Variants in PPFIA4 observed in about 807,000 individuals in gnomAD.
PPFIA4 encodes liprin-alpha-4.
In PPFIA4, 98 loss-of-function variants were observed where a neutral mutation model predicts 145.7. That is an observed-to-expected ratio of 0.67 (90% CI 0.57 to 0.80). PPFIA4 has a LOEUF of 0.80. Among genes scored for constraint, PPFIA4 ranks in the 30% least tolerant of loss-of-function variants. The pLI is 0.00. For missense variants in PPFIA4, 1,457 were observed against 1,632.7 expected (o/e 0.89, Z 1.85); for synonymous variants, 628 against 649.6 (o/e 0.97, Z 0.51).
At chr1:203,034,568 C>G in intron 1 of PPFIA4, 1 of 456,286 alleles carries the variant, frequency 2.2e-6, no homozygotes, top group South Asian at 1.6e-5. Flanking sequence ...GGGGGGAACT[C>G]AGGGAAGCTG....
rs999936346 is a variant in PPFIA4 at position 203,077,586 on chromosome 1, A to T, written c.*1196A>T. The T allele has an allele frequency of 1.3e-5, 2 of 152,076 alleles. No homozygotes were observed. Among genetic ancestry groups the T allele is most frequent in the Non-Finnish European group, 2.9e-5 (2 of 68,034 alleles). The allele number at this position is 152,076 out of a possible 1,614,324, so 9.4% of individuals were successfully genotyped here. A position where few individuals can be genotyped will look rare whatever the true frequency, so the allele number is the denominator to read the frequency against. The stretch of plus-strand genomic sequence containing the variant: ...CCACTCTCTTGCTTGTCCCCAAATC[A>T]CCTAACCCTCATCCAGGGCTATTTT... On this transcript the variant is annotated 3_prime_UTR_variant, in exon 30 of 30. Coordinates refer to ENST00000295706, the MANE Select transcript of PPFIA4 (RefSeq NM_001304331.2).
chr1:203,036,999 C>G (rs941772611), intron 1 of PPFIA4, among the ~76,000 whole-genome samples: 2 of 152,212 alleles, frequency 1.3e-5, no homozygotes, highest in African/African-American at 4.8e-5. Flanking sequence ...CTCTGTGTTT[C>G]TATCTTGGGG....
intron 7 of PPFIA4, 32 bp from the exon 8 acceptor site, chr1:203,045,809 G>T: frequency 2.5e-6 from 4 of 1,612,584 alleles, no homozygotes; most frequent in Non-Finnish European, 3.4e-6. Context: ...GGAAAGGCTG[G>T]TTACCGTCCT....
chr1:203,045,224 T>TGGGCCA, intron 6 of PPFIA4, 144 bp from the exon 7 acceptor site: 1 of 708,706 alleles, frequency 1.4e-6, no homozygotes. Context: ...GGGAGGCAGT[T>TGGGCCA]GTAGCCAGAG....
At position 203,077,000 on chromosome 1, in the gene PPFIA4, T is replaced by G. The variant is rs1483036542; in HGVS notation, c.*610T>G. 6.5e-6 allele frequency: 1 copy of G among 152,700 alleles called. No homozygotes were observed. The highest frequency in any genetic ancestry group is 1.5e-5 in the Non-Finnish European group (1 of 68,416). 9.5% of individuals were successfully genotyped at this position (152,700 alleles called of 1,614,324 possible). A position where few individuals can be genotyped will look rare whatever the true frequency, so the allele number is the denominator to read the frequency against. Reference sequence around the variant, plus strand: ...AAGGCCCCATTCTCCCACAGGATGGTGAGGCTGGGAGGAGGAAGACTGAGG... The same window carrying G: ...AAGGCCCCATTCTCCCACAGGATGGGGAGGCTGGGAGGAGGAAGACTGAGG... On this transcript the variant is annotated 3_prime_UTR_variant, in exon 30 of 30. Transcript: ENST00000295706.
At chr1:203,051,720 G>A (rs766589798) in intron 13 of PPFIA4, 49 bp from the exon 14 acceptor site, 3 of 1,564,208 alleles carry the variant, frequency 1.9e-6, no homozygotes, top group African/African-American at 1.4e-5. Context: ...GTGAGCTGGG[G>A]GTCTCAGTCC....
At chr1:203,050,805 C>T (rs2102648160) in intron 13 of PPFIA4, among the ~76,000 whole-genome samples, 1 of 151,908 alleles carries the variant, frequency 6.6e-6, no homozygotes, top group Non-Finnish European at 1.5e-5. Flanking sequence ...CTTCTCCCAT[C>T]CTGACCAGAA....
At chr1:203,032,236 T>A (rs1658888399) in intron 1 of PPFIA4, among the ~76,000 whole-genome samples, 1 of 152,174 alleles carries the variant, frequency 6.6e-6, no homozygotes, top group Non-Finnish European at 1.5e-5. Flanking sequence ...TAGAGCCTTT[T>A]GAGTTTGTCA....
intron 20 of PPFIA4, 128 bp downstream of exon 20, chr1:203,059,399 G>T: frequency 1.2e-6 from 1 of 825,824 alleles, no homozygotes; most frequent in Admixed American, 2.3e-5. Flanking sequence ...AACTGAGTTG[G>T]TCTGGTCCAT....
intron 1 of PPFIA4, chr1:203,037,207 G>A (rs573896233): frequency 2.7e-6 from 1 of 368,712 alleles, no homozygotes; most frequent in South Asian, 1.9e-5. Flanking sequence ...GTCCAGGTAG[G>A]AGAGGCCCGG....
At position 203,076,341 on chromosome 1, in the gene PPFIA4, C is replaced by T. The variant is rs374614205; in HGVS notation, c.3575C>T (p.Ala1192Val). The T allele has an allele frequency of 6.2e-7, 1 of 1,605,442 alleles. No homozygotes were observed. Among genetic ancestry groups the T allele is most frequent in the Middle Eastern group, 1.7e-4 (1 of 6,060 alleles). ...ATGCCTGTCTCTCTCTCTCCCTCAG[C>T]TCACTCCCACTATCTCTACGGACAC... is the stretch of plus-strand genomic sequence containing the variant. Reference protein sequence around the residue: ...PAPPKKIMPEAHSHYLYGHML... With the variant: ...PAPPKKIMPEVHSHYLYGHML... Residue 1192 changes from alanine to valine, a missense_variant and splice_region_variant, in exon 30 of 30, where the codon GCT (alanine) becomes GTT (valine). Physicochemically the swap from Ala to Val is moderately conservative, Grantham distance 64 (BLOSUM62 0). Coordinates refer to ENST00000295706, the MANE Select transcript of PPFIA4 (RefSeq NM_001304331.2).
In PPFIA4 at chr1:203,068,805, A is replaced by G. The variant is rs1336453678; in HGVS notation, c.3324+177A>G. 6.6e-6 allele frequency among the ~76,000 whole-genome samples: 1 copy of G among 152,146 alleles called. No individual in the cohort carries two copies. Among genetic ancestry groups the G allele is most frequent in the African/African-American group, 2.4e-5 (1 of 41,418 alleles). On this transcript the variant is annotated intron_variant, in intron 27 of 29. Transcript: ENST00000295706. This position sits in a 1 kb window ranked among gnomAD's most constrained non-coding sequence, Gnocchi z 4.7. The stretch of plus-strand genomic sequence containing the variant: ...TCCAAGTGATCGCTGTGCATAAGCA[A>G]GCCCTCATGGGAACACATGGCCTTC...
intron 9 of PPFIA4, among the ~76,000 whole-genome samples, chr1:203,047,920 T>G (rs1252893861): frequency 6.6e-6 from 1 of 152,210 alleles, no homozygotes; most frequent in Non-Finnish European, 1.5e-5. Context: ...AGCTCATGCT[T>G]TCAAGTGGAG....
intron 18 of PPFIA4, 117 bp from the exon 19 acceptor site, chr1:203,056,667 C>T: frequency 7.7e-7 from 1 of 1,292,730 alleles, no homozygotes; most frequent in Non-Finnish European, 1.1e-6. Context: ...GTCTCCTTTT[C>T]CCCCATCCCA....
At chr1:203,058,457 G>C (rs1340683250) in intron 19 of PPFIA4, among the ~76,000 whole-genome samples, 2 of 152,186 alleles carry the variant, frequency 1.3e-5, no homozygotes, top group African/African-American at 2.4e-5. Flanking sequence ...TGAACGGTTT[G>C]ATCAGGGGAA....
At chr1:203,056,071 A>G in intron 16 of PPFIA4, 49 bp from the exon 17 acceptor site, 1 of 1,606,504 alleles carries the variant, frequency 6.2e-7, no homozygotes. Context: ...GGTTGGCTCT[A>G]GGGCACCCAG....
chr1:203,034,498 C>G (rs1440201462), intron 1 of PPFIA4: 2 of 456,544 alleles, frequency 4.4e-6, no homozygotes, highest in South Asian at 3.1e-5. Flanking sequence ...CTGAGAGCCC[C>G]AAGGACGAGG....
intron 1 of PPFIA4, among the ~76,000 whole-genome samples, chr1:203,030,655 C>T (rs983868326): frequency 1.3e-5 from 2 of 152,168 alleles, no homozygotes; most frequent in East Asian, 1.9e-4. Context: ...TTCAGTATCA[C>T]CCCATCCCTC....
intron 18 of PPFIA4, 107 bp downstream of exon 18, chr1:203,056,615 C>T: frequency 6.9e-7 from 1 of 1,439,710 alleles, no homozygotes; most frequent in Non-Finnish European, 9.4e-7. Context: ...TTCTGAATGT[C>T]TTACTTCTCT....
Sources: allele counts gnomAD v4.1 joint callset (sites outside exome capture counted in the v4.1 genomes callset), GRCh38; gene constraint gnomAD v4.1.1; non-coding constraint Gnocchi (gnomAD v3.1); transcripts MANE v1.5; gene names NCBI Gene and HGNC (gene_info 2026-07-23, HGNC 2026-07-21).